The following GLG1 variants were observed in gnomAD, a reference collection of about 807,000 sequenced individuals.
GLG1 encodes Golgi apparatus protein 1.
Under a neutral mutation model 160.5 loss-of-function variants are expected in GLG1, and 38 were observed. The ratio of observed to expected loss-of-function variants is 0.24; its 90% CI spans 0.18 to 0.31. GLG1 has a LOEUF of 0.31. GLG1 is among the 10% of genes least tolerant of loss of function. GLG1 has a pLI of 1.00. For missense variants in GLG1, 1,373 were observed against 1,505.2 expected (o/e 0.91, Z 1.45); for synonymous variants, 644 against 543.4 (o/e 1.19, Z -2.57).
intron 2 of GLG1, among the ~76,000 whole-genome samples, chr16:74,531,400 C>G (rs1359619908): frequency 6.6e-6 from 1 of 152,198 alleles, no homozygotes; most frequent in African/African-American, 2.4e-5. Flanking sequence ...CTCAATGAAA[C>G]CTCCGCCTCC....
chr16:74,518,453 G>A (rs1327644777), intron 2 of GLG1, among the ~76,000 whole-genome samples: 1 of 152,160 alleles, frequency 6.6e-6, no homozygotes, highest in African/African-American at 2.4e-5. Flanking sequence ...ATGGGGAAAA[G>A]ATTCCCTATT....
rs561657069 is a variant in GLG1 at position 74,482,873 on chromosome 16, A to G, written c.1673+150T>C. ...AGATAATGTTCTGAAAGTGATAAAGAATAGTTTTTCAGGGGATTGGAGTGT... is the reference window on the plus strand; with the variant it reads ...AGATAATGTTCTGAAAGTGATAAAGGATAGTTTTTCAGGGGATTGGAGTGT... On this transcript the variant is annotated intron_variant, in intron 10 of 25. Transcript: ENST00000422840. 12 of 623,778 alleles carry G rather than the reference A, an allele frequency of 1.9e-5. No homozygotes were observed. The East Asian group carries it at 2.6e-4, about 14-fold the overall frequency. The allele number at this position is 623,778 out of a possible 1,614,324, so 38.6% of individuals were successfully genotyped here.
chr16:74,486,682 C>T (rs905128951), intron 8 of GLG1, among the ~76,000 whole-genome samples: 2 of 152,004 alleles, frequency 1.3e-5, no homozygotes, highest in Non-Finnish European at 2.9e-5. Flanking sequence ...GATGAAAAAG[C>T]TCTAAATTAA....
chr16:74,528,941 G>A (rs1234224060), intron 2 of GLG1, among the ~76,000 whole-genome samples: 6 of 147,756 alleles, frequency 4.1e-5, no homozygotes, highest in African/African-American at 1.0e-4. Context: ...TTATTTCTTC[G>A]AATACTGCTT....
At chr16:74,551,051 A>T (rs2018185474) in intron 1 of GLG1, among the ~76,000 whole-genome samples, 1 of 152,340 alleles carries the variant, frequency 6.6e-6, no homozygotes, top group Non-Finnish European at 1.5e-5. Flanking sequence ...ACTCAGCCCT[A>T]GATTTGAGCA....
At chr16:74,478,861 C>A (rs1391844013) in intron 11 of GLG1, among the ~76,000 whole-genome samples, 1 of 145,000 alleles carries the variant, frequency 6.9e-6, no homozygotes, top group Non-Finnish European at 1.5e-5. Flanking sequence ...CCACTGCACT[C>A]CAGCCTGGGC....
At chr16:74,555,684 T>C (rs1188520776) in intron 1 of GLG1, among the ~76,000 whole-genome samples, 1 of 152,014 alleles carries the variant, frequency 6.6e-6, no homozygotes, top group Non-Finnish European at 1.5e-5. Context: ...GAGAGATCCC[T>C]GTCTCTAAAG....
rs1402027333 is a variant in GLG1 at position 74,469,137 on chromosome 16, G to C, written c.2319-74C>G. 2.4e-5 allele frequency: 22 copies of C among 905,580 alleles called. No homozygotes were observed. The East Asian group carries it at 3.9e-4, about 16-fold the overall frequency. 56.1% of individuals were successfully genotyped at this position (905,580 alleles called of 1,614,324 possible). On this transcript the variant is annotated intron_variant, in intron 16 of 25. Coordinates refer to ENST00000422840, the MANE Select transcript of GLG1 (RefSeq NM_001145667.2). ...TGGCCTGAGAGCTGGGCTTGGGGGG[G>C]GTCACACCATTAAGAATTCAAGATG...
intron 5 of GLG1, 142 bp from the exon 6 acceptor site, chr16:74,494,973 T>G (rs890153060): frequency 2.1e-6 from 1 of 469,074 alleles, no homozygotes; most frequent in East Asian, 3.2e-5. Context: ...TTTATAAAAT[T>G]TAATAGGCTT....
chr16:74,492,116 G>C (rs2016018307), intron 7 of GLG1, among the ~76,000 whole-genome samples: 1 of 151,276 alleles, frequency 6.6e-6, no homozygotes. Flanking sequence ...GCCAGGCGCA[G>C]TGGCTCACGC....
intron 1 of GLG1, among the ~76,000 whole-genome samples, chr16:74,566,864 C>T (rs1257979206): frequency 6.6e-6 from 1 of 152,072 alleles, no homozygotes; most frequent in Non-Finnish European, 1.5e-5. Context: ...TAATACCCTG[C>T]AGGAAACTTT....
At chr16:74,467,878 A>T (rs761409914) in intron 17 of GLG1, 30 bp from the exon 18 acceptor site, 1 of 1,451,916 alleles carries the variant, frequency 6.9e-7, no homozygotes, top group Non-Finnish European at 9.7e-7. Flanking sequence ...TGGAAAGGTG[A>T]GCTTGGTTTA....
intron 1 of GLG1, among the ~76,000 whole-genome samples, chr16:74,589,603 A>T (rs1277806584): frequency 6.6e-6 from 1 of 152,142 alleles, no homozygotes; most frequent in Non-Finnish European, 1.5e-5. Flanking sequence ...GGGCAGCAAG[A>T]TGTGTATGGA....
intron 1 of GLG1, among the ~76,000 whole-genome samples, chr16:74,605,835 A>C (rs1958552891): frequency 6.6e-6 from 1 of 152,198 alleles, no homozygotes; most frequent in Admixed American, 6.5e-5. Flanking sequence ...GGAAAAAGTT[A>C]CTACTGTCAG....
At position 74,465,701 on chromosome 16, in the gene GLG1, A is replaced by G; in HGVS notation, c.2642T>C (p.Met881Thr). The change falls in exon 19 of 26, where the codon ATG becomes ACG. Residue 881 changes from methionine (M) to threonine (T), a missense_variant. Physicochemically the swap from Met to Thr is moderately conservative, Grantham distance 81. Transcript: ENST00000422840. ...MMDPELDYTL[M>T]RVCKQMIKRF... ...CTTTATCATCTGCTTGCAGACCCTC[A>G]TGAGGGTGTAGTCTAGCTCTGGGTC... The G allele has an allele frequency of 1.9e-6, 3 of 1,613,830 alleles. No individual in the cohort carries two copies. Among genetic ancestry groups the G allele is most frequent in the Non-Finnish European group, 2.5e-6 (3 of 1,179,878 alleles).
At position 74,554,679 on chromosome 16, in the gene GLG1, A is replaced by G. The variant is rs376228490; in HGVS notation, c.439-22526T>C. Reference sequence around the variant, plus strand: ...AGCCAAGAAAAGAACTATTGTATAGAAAGGAACTTTGGTAAAGTGCATGAA... The same window carrying G: ...AGCCAAGAAAAGAACTATTGTATAGGAAGGAACTTTGGTAAAGTGCATGAA... On this transcript the variant is annotated intron_variant, in intron 1 of 25. Transcript: ENST00000422840. 9.2e-3 allele frequency among the ~76,000 whole-genome samples: 1,404 copies of G among 152,132 alleles called. 18 individuals carry two copies. Among genetic ancestry groups the G allele is most frequent in the African/African-American group, 0.033 (1,348 of 41,356 alleles).
intron 1 of GLG1, among the ~76,000 whole-genome samples, chr16:74,548,565 C>G (rs1157119716): frequency 2.0e-5 from 3 of 152,204 alleles, no homozygotes; most frequent in Admixed American, 1.3e-4. Context: ...AAACAGCTTA[C>G]TGGGGTCAAA....
intron 2 of GLG1, among the ~76,000 whole-genome samples, chr16:74,512,977 G>T (rs1003295931): frequency 1.3e-5 from 2 of 152,138 alleles, no homozygotes; most frequent in African/African-American, 4.8e-5. Flanking sequence ...GTGTACAAAA[G>T]TAGAAAGGAC....
At chr16:74,573,717 G>A (rs2018904979) in intron 1 of GLG1, among the ~76,000 whole-genome samples, 1 of 150,540 alleles carries the variant, frequency 6.6e-6, no homozygotes, top group Non-Finnish European at 1.5e-5. Context: ...AGCCCTCCTG[G>A]GTTCAAGTGA....
Sources: allele counts gnomAD v4.1 joint callset (sites outside exome capture counted in the v4.1 genomes callset), GRCh38; gene constraint gnomAD v4.1.1; transcripts MANE v1.5; gene names NCBI Gene and HGNC (gene_info 2026-07-23, HGNC 2026-07-21).